VIL1: variants seen among roughly 807,000 people sequenced by gnomAD.
VIL1 encodes the protein villin 1.
Under a neutral mutation model 104.0 loss-of-function variants are expected in VIL1, and 86 were observed. The observed-to-expected ratio is 0.83, with a 90% CI of 0.69 to 0.99. The LOEUF (loss-of-function observed/expected upper bound fraction) is 0.99, where lower values mean the gene tolerates loss of function less well. Ranked by LOEUF, VIL1 falls within the 50% of genes least tolerant of loss-of-function variation. The pLI, the probability that VIL1 is intolerant of heterozygous loss-of-function variation, is 0.00. For synonymous variants in VIL1, 394 were observed against 412.6 expected, an observed-to-expected ratio of 0.95 and a Z score of 0.55; for missense variants, 944 against 1,054.1, an observed-to-expected ratio of 0.90 and a Z score of 1.45.
chr2:218,434,197 C>CAAAAAAAAA lies in VIL1; in HGVS notation c.1501-322_1501-314dup, dbSNP rs772237911. ...GGGGAACAAGAGCAAAACTCCGTCT[C>CAAAAAAAAA]AAAAAAAAAAAAAAAGCCTGGCAGA... On this transcript the variant is annotated intron_variant, in intron 13 of 19. Coordinates refer to ENST00000248444, the MANE Select transcript of VIL1 (RefSeq NM_007127.3). Among the ~76,000 whole-genome samples, 165 of 92,082 alleles carry CAAAAAAAAA rather than the reference C, an allele frequency of 1.8e-3. 15 individuals are homozygous for CAAAAAAAAA. Among genetic ancestry groups the CAAAAAAAAA allele is most frequent in the Non-Finnish European group, 2.9e-3 (132 of 45,448 alleles). The allele number at this position is 92,082 out of a possible 152,430, so 60.4% of individuals were successfully genotyped here.
intron 9 of VIL1, among the ~76,000 whole-genome samples, chr2:218,430,406 T>C (rs1279829510): frequency 6.6e-6 from 1 of 152,100 alleles, no homozygotes; most frequent in African/African-American, 2.4e-5. Flanking sequence ...AGGATTAGCA[T>C]TGAGGTAGGG....
At chr2:218,438,934 T>A (rs1418525370) in intron 18 of VIL1, among the ~76,000 whole-genome samples, 1 of 148,604 alleles carries the variant, frequency 6.7e-6, no homozygotes, top group African/African-American at 2.5e-5. Context: ...CAATTTTTTT[T>A]TTTTTTTTTT....
intron 6 of VIL1, among the ~76,000 whole-genome samples, chr2:218,428,745 C>A (rs1218536666): frequency 1.3e-5 from 2 of 152,180 alleles, no homozygotes; most frequent in Non-Finnish European, 2.9e-5. Flanking sequence ...AATCTCAGCT[C>A]ACCGCAACCT....
At position 218,437,310 on chromosome 2, in the gene VIL1, A is replaced by G; in HGVS notation, c.2158A>G (p.Ser720Gly). Residue 720 changes from serine to glycine, a missense_variant and splice_region_variant, in exon 17 of 20, where the codon AGT becomes GGT. Physicochemically the swap from Ser to Gly is moderately conservative, Grantham distance 56. Transcript: ENST00000248444. Reference sequence around the variant, plus strand: ...CCTGGCTTGGGATCCCTTCAAGTGGAGTGTGAGTGGCCTCATCCCAGCATG... The same window carrying G: ...CCTGGCTTGGGATCCCTTCAAGTGGGGTGTGAGTGGCCTCATCCCAGCATG... ...WFLAWDPFKW[S>G]NTKSYEDLKA... 3.7e-6 allele frequency: 6 copies of G among 1,613,298 alleles called. No homozygotes were observed. The highest frequency in any genetic ancestry group is 5.1e-6 in the Non-Finnish European group (6 of 1,179,678).
chr2:218,430,611 G>A, intron 9 of VIL1, 114 bp from the exon 10 acceptor site: 2 of 1,382,382 alleles, frequency 1.4e-6, no homozygotes, highest in South Asian at 3.0e-5. Flanking sequence ...TTCAGTTTTG[G>A]TGCCGGGGTA....
At chr2:218,426,221 T>C (rs1476015804) in intron 4 of VIL1, among the ~76,000 whole-genome samples, 1 of 151,858 alleles carries the variant, frequency 6.6e-6, no homozygotes, top group Non-Finnish European at 1.5e-5. Context: ...TGCAGGCCTA[T>C]CACACTAAAA....
At chr2:218,421,946 T>C (rs1388714239) in intron 1 of VIL1, among the ~76,000 whole-genome samples, 1 of 151,968 alleles carries the variant, frequency 6.6e-6, no homozygotes, top group East Asian at 1.9e-4. Context: ...ATACAGCTAG[T>C]GAGTGTCAAA....
In VIL1 at chr2:218,452,497, AAGG is replaced by A. The variant is rs1325697295; in HGVS notation, c.*3164_*3166del. On this transcript the variant is annotated 3_prime_UTR_variant, in exon 20 of 20. Coordinates refer to ENST00000248444, the MANE Select transcript of VIL1 (RefSeq NM_007127.3). ...AAGAAGTAGATTAAAGGAGTAAAGGAAGGAGAAGGCTGATAGGGCCACAAGAAT... is the reference window on the plus strand; with the variant it reads ...AAGAAGTAGATTAAAGGAGTAAAGGAAGAAGGCTGATAGGGCCACAAGAAT... 1 of 152,236 alleles carries A rather than the reference AAGG, an allele frequency of 6.6e-6. No individual in the cohort carries two copies. Among genetic ancestry groups the A allele is most frequent in the Non-Finnish European group, 1.5e-5 (1 of 68,044 alleles). The allele number at this position is 152,236 out of a possible 1,614,324, so 9.4% of individuals were successfully genotyped here.
intron 12 of VIL1, chr2:218,432,506 C>T: frequency 1.4e-6 from 1 of 693,976 alleles, no homozygotes. Flanking sequence ...GTGATGTCTC[C>T]CTGAAGAAGG....
chr2:218,432,368 G>C lies in VIL1; in HGVS notation c.1341+185G>C. On this transcript the variant is annotated intron_variant, in intron 12 of 19. Coordinates refer to ENST00000248444, the MANE Select transcript of VIL1 (RefSeq NM_007127.3). ...CCCATTCACAGCCCTTTTCCTTTTGGTTCTCTGAGTCTCCCTTCCAATTTT... is the reference window on the plus strand; with the variant it reads ...CCCATTCACAGCCCTTTTCCTTTTGCTTCTCTGAGTCTCCCTTCCAATTTT... 10 of 929,502 alleles carry C rather than the reference G, an allele frequency of 1.1e-5. No individual in the cohort carries two copies. In the East Asian group the frequency reaches 2.4e-4, roughly 22 times the overall value. The allele number at this position is 929,502 out of a possible 1,614,324, so 57.6% of individuals were successfully genotyped here.
Position 218,449,454 on chromosome 2 carries a change from A to G in VIL1, c.*118A>G, listed in dbSNP as rs1689430263. On this transcript the variant is annotated 3_prime_UTR_variant, in exon 20 of 20. Transcript: ENST00000248444. ...TTTTGCAGATGTGCCTATGAGCACAAACTTCTGTGGCAAATGCCAGTTTTG... is the reference window on the plus strand; with the variant it reads ...TTTTGCAGATGTGCCTATGAGCACAGACTTCTGTGGCAAATGCCAGTTTTG... The G allele has an allele frequency of 5.0e-6, 4 of 792,832 alleles. No individual in the cohort carries two copies. Among genetic ancestry groups the G allele is most frequent in the Admixed American group, 4.3e-5 (2 of 46,714 alleles). 49.1% of individuals were successfully genotyped at this position (792,832 alleles called of 1,614,324 possible).
chr2:218,435,316 G>A lies in VIL1; in HGVS notation c.1708G>A (p.Ala570Thr), dbSNP rs748530955. 5 of 1,613,984 alleles carry A rather than the reference G, an allele frequency of 3.1e-6. No homozygotes were observed. ...TTGTAGCGGGGACGAGCGGGAGATG[G>A]CCAAGATGGTTGCTGACACCATCTC... ...KGCSGDEREM[A>T]KMVADTISRT... is the part of the protein sequence containing the mutation. The change falls in exon 15 of 20, where the codon GCC becomes ACC. Residue 570 changes from alanine to threonine, a missense_variant. Ala to Thr is a moderately conservative substitution (Grantham distance 58). Transcript: ENST00000248444.
intron 19 of VIL1, among the ~76,000 whole-genome samples, chr2:218,448,031 G>A (rs187584526): frequency 1.9e-3 from 283 of 152,310 alleles, no homozygotes; most frequent in African/African-American, 6.6e-3. Context: ...AGGCCAAGAC[G>A]GGTGGACTGT....
intron 1 of VIL1, among the ~76,000 whole-genome samples, chr2:218,423,464 G>T (rs73074822): frequency 0.01 from 1,565 of 152,184 alleles, 35 homozygotes; most frequent in African/African-American, 0.036. Flanking sequence ...GGGGAGGGGG[G>T]TTCCTTCCAG....
chr2:218,433,195 G>A (rs10932781), intron 13 of VIL1, among the ~76,000 whole-genome samples: 1 of 151,928 alleles, frequency 6.6e-6, no homozygotes, highest in Non-Finnish European at 1.5e-5. Context: ...CAGCACTTTG[G>A]GGGGCTGAGG....
In VIL1 at chr2:218,425,551, C is replaced by G. The variant is rs540532568; in HGVS notation, c.151-64C>G. Reference sequence around the variant, plus strand: ...CCTGGACGGCACGTGTGTGGGAGGTCACACAGAGCTGGAGGGGCTGTGGGA... The same window carrying G: ...CCTGGACGGCACGTGTGTGGGAGGTGACACAGAGCTGGAGGGGCTGTGGGA... On this transcript the variant is annotated intron_variant, in intron 3 of 19. Coordinates refer to ENST00000248444, the MANE Select transcript of VIL1 (RefSeq NM_007127.3). 701 of 1,560,736 alleles carry G rather than the reference C, an allele frequency of 4.5e-4. 10 individuals are homozygous for G. The South Asian group carries it at 7.9e-3, about 17-fold the overall frequency.
chr2:218,447,308 T>C (rs1423664944), intron 19 of VIL1, among the ~76,000 whole-genome samples: 1 of 152,112 alleles, frequency 6.6e-6, no homozygotes, highest in East Asian at 1.9e-4. Flanking sequence ...GTATGTCCTG[T>C]GACAGCAATA....
intron 13 of VIL1, among the ~76,000 whole-genome samples, chr2:218,434,026 G>A (rs1178611461): frequency 2.6e-5 from 4 of 151,888 alleles, no homozygotes; most frequent in Non-Finnish European, 4.4e-5. Flanking sequence ...AAGAAACCCC[G>A]TCTCTACTAA....
rs1015942218 is a variant in VIL1 at position 218,452,052 on chromosome 2, C to T, written c.*2716C>T. 6.6e-6 allele frequency: 1 copy of T among 152,586 alleles called. No homozygotes were observed. Among genetic ancestry groups the T allele is most frequent in the Non-Finnish European group, 1.5e-5 (1 of 68,036 alleles). The allele number at this position is 152,586 out of a possible 1,614,324, so 9.5% of individuals were successfully genotyped here. On this transcript the variant is annotated 3_prime_UTR_variant, in exon 20 of 20. Coordinates refer to ENST00000248444, the MANE Select transcript of VIL1 (RefSeq NM_007127.3). ...TATTAAAGAAATTAACAGCATCCAG[C>T]CACATGCAACTTTCCAACCTTCAGT...
Sources: gnomAD v4.1 joint callset for allele counts (sites outside exome capture counted in the v4.1 genomes callset) on GRCh38, gnomAD v4.1.1 for gene constraint, MANE v1.5 for transcripts, NCBI Gene and HGNC (gene_info 2026-07-23, HGNC 2026-07-21) for gene names.